The following JAKMIP3 variants were observed in gnomAD, a reference collection of about 807,000 sequenced individuals.
JAKMIP3 encodes janus kinase and microtubule-interacting protein 3.
Under a neutral mutation model 118.5 loss-of-function variants are expected in JAKMIP3, and 58 were observed. The observed-to-expected ratio is 0.49, with a 90% CI of 0.40 to 0.61. The LOEUF is 0.61. Ranked by LOEUF, JAKMIP3 falls within the 20% of genes least tolerant of loss-of-function variation. The pLI, the probability that JAKMIP3 is intolerant of heterozygous loss-of-function variation, is 0.00. For synonymous variants in JAKMIP3, 486 were observed against 451.2 expected (o/e 1.08, Z -0.98); for missense variants, 950 against 1,109.0 (o/e 0.86, Z 2.04).
At chr10:132,134,182 C>T (rs1341138145) in intron 4 of JAKMIP3, among the ~76,000 whole-genome samples, 1 of 152,186 alleles carries the variant, frequency 6.6e-6, no homozygotes, top group Non-Finnish European at 1.5e-5. Flanking sequence ...TCCAGGGACC[C>T]TCCAGCTGGT....
At chr10:132,131,758 C>T (rs2050668815) in intron 3 of JAKMIP3, among the ~76,000 whole-genome samples, 1 of 152,044 alleles carries the variant, frequency 6.6e-6, no homozygotes, top group African/African-American at 2.4e-5. Context: ...GTCCTGGGAG[C>T]CCTCTCAGTC....
intron 23 of JAKMIP3, 30 bp from the exon 24 acceptor site, chr10:132,182,327 C>G (rs2061574881): frequency 6.6e-6 from 1 of 152,270 alleles, no homozygotes; most frequent in African/African-American, 2.4e-5. Context: ...GGTCGTCGCA[C>G]TAAACGGCGT....
At chr10:132,100,802 C>T (rs928365734) in intron 1 of JAKMIP3, among the ~76,000 whole-genome samples, 12 of 125,482 alleles carry the variant, frequency 9.6e-5, no homozygotes, top group East Asian at 3.6e-4. Flanking sequence ...GAACCCCGGC[C>T]GCGCTCCCCA....
rs1442749863 is a variant in JAKMIP3 at position 132,114,262 on chromosome 10, C to CTA, written c.136-2812_136-2811dup. ...ACAGGGTCTCATTCTGTCACCCAGG[C>CTA]TATAGTGCAGTGGTGCGATCACAGC... On this transcript the variant is annotated intron_variant, in intron 2 of 23. Transcript: ENST00000684848. Among the ~76,000 whole-genome samples, 3 of 152,396 alleles carry CTA rather than the reference C, an allele frequency of 2.0e-5. No individual in the cohort carries two copies. In the East Asian group the frequency reaches 5.8e-4, roughly 29 times the overall value.
rs573010216 is a variant in JAKMIP3 at position 132,111,502 on chromosome 10, G to T, written c.136-5575G>T. The stretch of plus-strand genomic sequence containing the variant: ...GCCCTCATGGGGAGGGTGCAGAAGA[G>T]GTCAGCAGAGGTGGCCATGGGCCCC... On this transcript the variant is annotated intron_variant, in intron 2 of 23. Transcript: ENST00000684848. Among the ~76,000 whole-genome samples, 16 of 152,290 alleles carry T rather than the reference G, an allele frequency of 1.1e-4. No individual in the cohort carries two copies. In the East Asian group the frequency reaches 3.1e-3, roughly 29 times the overall value.
intron 9 of JAKMIP3, among the ~76,000 whole-genome samples, chr10:132,139,312 GTATGTGTA>G (rs1564948331): frequency 1.6e-5 from 2 of 121,414 alleles, no homozygotes; most frequent in Admixed American, 7.9e-5. Flanking sequence ...GTGTGAGTGT[GTATGTGTA>G]TGTGTGTGTG....
At chr10:132,097,561 G>A (rs1018838168) in intron 1 of JAKMIP3, among the ~76,000 whole-genome samples, 2 of 152,240 alleles carry the variant, frequency 1.3e-5, no homozygotes, top group Non-Finnish European at 2.9e-5. Flanking sequence ...GGGTAGGAGG[G>A]AAGTGAATGT....
In JAKMIP3 at chr10:132,049,450, T is replaced by C. The variant is rs1399673978; in HGVS notation, c.-138+12712T>C. On this transcript the variant is annotated intron_variant, in intron 1 of 23. Coordinates refer to the JAKMIP3 transcript ENST00000657785. The surrounding 1 kb of genome is among the most constrained non-coding windows in gnomAD (Gnocchi z 4.3). ...CTTATTAAATTGTCGTTTGTGTTAT[T>C]CTCCCTTGGGCATCTTACAATTTAT... Among the ~76,000 whole-genome samples, 1 of 152,344 alleles carries C rather than the reference T, an allele frequency of 6.6e-6. No homozygotes were observed. The highest frequency in any genetic ancestry group is 1.9e-4 in the East Asian group (1 of 5,190).
chr10:132,038,908 T>G (rs1322595947), intron 1 of JAKMIP3, among the ~76,000 whole-genome samples: 1 of 151,960 alleles, frequency 6.6e-6, no homozygotes, highest in Non-Finnish European at 1.5e-5. Flanking sequence ...GTACAAGAGC[T>G]GGGCTGCAGG....
At chr10:132,175,065 C>A (rs1048081547) in intron 23 of JAKMIP3, among the ~76,000 whole-genome samples, 1 of 152,152 alleles carries the variant, frequency 6.6e-6, no homozygotes, top group Non-Finnish European at 1.5e-5. Context: ...TTCATCTTTT[C>A]ATTCCCTTGA....
rs2056818230 is a variant in JAKMIP3 at position 132,154,845 on chromosome 10, C to CAGT, written c.2220+855_2220+856insAGT. Among the ~76,000 whole-genome samples, 2 of 104,960 alleles carry CAGT rather than the reference C, an allele frequency of 1.9e-5. 1 individual carries two copies. Among genetic ancestry groups the CAGT allele is most frequent in the South Asian group, 6.2e-4 (2 of 3,228 alleles). 68.9% of individuals were successfully genotyped at this position (104,960 alleles called of 152,430 possible). A position where few individuals can be genotyped will look rare whatever the true frequency, so the allele number is the denominator to read the frequency against. ...GCAATGGCAATGGTGATGGTGGTGGCGGTGGTGGTGGTGATGGTGGTGATA... is the reference window on the plus strand; with the variant it reads ...GCAATGGCAATGGTGATGGTGGTGGCAGTGGTGGTGGTGGTGATGGTGGTGATA... On this transcript the variant is annotated intron_variant, in intron 19 of 23. Transcript: ENST00000684848.
chr10:132,127,147 TAA>T (rs986645652), intron 3 of JAKMIP3, among the ~76,000 whole-genome samples: 100 of 152,282 alleles, frequency 6.6e-4, no homozygotes, highest in African/African-American at 2.3e-3. Context: ...ATTTTTATGT[TAA>T]GTTTGGTAAA....
At chr10:132,125,352 T>C (rs1401339581) in intron 3 of JAKMIP3, among the ~76,000 whole-genome samples, 1 of 152,284 alleles carries the variant, frequency 6.6e-6, no homozygotes, top group Non-Finnish European at 1.5e-5. Flanking sequence ...TGAACTGCGA[T>C]AGCACTTTGG....
chr10:132,102,506 C>G (rs781283000), intron 1 of JAKMIP3, among the ~76,000 whole-genome samples: 4 of 152,194 alleles, frequency 2.6e-5, no homozygotes, highest in African/African-American at 7.2e-5. Context: ...TCCACCCTGC[C>G]GGGCCCTTCT....
At chr10:132,053,807 GGC>G in intron 1 of JAKMIP3, among the ~76,000 whole-genome samples, 1 of 152,046 alleles carries the variant, frequency 6.6e-6, no homozygotes, top group South Asian at 2.1e-4. Context: ...GGCCGAGGCG[GGC>G]AGATCACGAG....
At chr10:132,144,900 G>A (rs2054300246) in intron 11 of JAKMIP3, among the ~76,000 whole-genome samples, 1 of 152,118 alleles carries the variant, frequency 6.6e-6, no homozygotes, top group African/African-American at 2.4e-5. Flanking sequence ...CTGAGCTCCA[G>A]TCTGGATGAC....
chr10:132,125,446 T>A (rs2049351912), intron 3 of JAKMIP3, among the ~76,000 whole-genome samples: 1 of 152,272 alleles, frequency 6.6e-6, no homozygotes, highest in Admixed American at 6.5e-5. Context: ...CCTTGCGGCG[T>A]TAGTACCACG....
intron 1 of JAKMIP3, among the ~76,000 whole-genome samples, chr10:132,067,457 A>G (rs576207706): frequency 6.7e-6 from 1 of 149,122 alleles, no homozygotes; most frequent in African/African-American, 2.4e-5. Context: ...ACAATATCCA[A>G]ACGACCAGGT....
chr10:132,125,010 G>T (rs751194335), intron 3 of JAKMIP3, among the ~76,000 whole-genome samples: 5 of 152,220 alleles, frequency 3.3e-5, no homozygotes, highest in Non-Finnish European at 7.3e-5. Flanking sequence ...CCCCGTTGAT[G>T]GCTTCTCTCA....
Sources: gnomAD v4.1 joint callset for allele counts (sites outside exome capture counted in the v4.1 genomes callset) on GRCh38, gnomAD v4.1.1 for gene constraint, Gnocchi (gnomAD v3.1) non-coding constraint, MANE v1.5 for transcripts, NCBI Gene and HGNC (gene_info 2026-07-23, HGNC 2026-07-21) for gene names.